The following FNBP1L variants were observed in gnomAD, a reference collection of about 807,000 sequenced individuals.
FNBP1L encodes formin binding protein 1 like, also known as formin-binding protein 1-like.
FNBP1L carries 36 observed loss-of-function variants against 91.2 expected under a neutral mutation model. The observed-to-expected ratio is 0.39, with a 90% confidence interval of 0.30 to 0.52. The LOEUF is 0.52. FNBP1L is among the 20% of genes least tolerant of loss of function. The probability of loss-of-function intolerance (pLI) is 0.66; values close to 1 mark genes in which losing one functional copy is unlikely to be tolerated. For missense variants in FNBP1L, 571 were observed against 732.1 expected (o/e 0.78, Z 2.54); for synonymous variants, 242 against 237.0 (o/e 1.02, Z -0.19).
intron 1 of FNBP1L, among the ~76,000 whole-genome samples, chr1:93,477,999 A>G (rs777516113): frequency 6.6e-6 from 1 of 152,236 alleles, no homozygotes. Context: ...TGTCTGGAAC[A>G]CACACAGATT....
rs558736943 is a variant in FNBP1L, at chr1:93,511,638, C to G, written c.141-10444C>G. 5.8e-4 allele frequency among the ~76,000 whole-genome samples: 89 copies of G among 152,250 alleles called. 1 individual carries two copies. The highest frequency in any genetic ancestry group is 2.0e-3 in the African/African-American group (84 of 41,532). On this transcript the variant is annotated intron_variant, in intron 2 of 16. Transcript: ENST00000271234. ...TTTAAATGTAAATGGACTAAATGCT[C>G]CAATTAAAAGACACAGACTGGCAAA...
intron 2 of FNBP1L, among the ~76,000 whole-genome samples, chr1:93,517,249 T>C (rs1570835057): frequency 6.6e-6 from 1 of 152,154 alleles, no homozygotes; most frequent in East Asian, 1.9e-4. Flanking sequence ...TTTCAGCATG[T>C]TGGTCAGGCT....
chr1:93,501,888 CT>C (rs1287624715), intron 2 of FNBP1L, among the ~76,000 whole-genome samples: 3 of 151,938 alleles, frequency 2.0e-5, no homozygotes, highest in Non-Finnish European at 2.9e-5. Flanking sequence ...CATTTCTAAA[CT>C]TTCCTGCAGA....
intron 8 of FNBP1L, among the ~76,000 whole-genome samples, chr1:93,534,407 C>A (rs554260275): frequency 2.0e-5 from 3 of 152,018 alleles, no homozygotes; most frequent in Non-Finnish European, 4.4e-5. Flanking sequence ...TCAGTTAGGT[C>A]TTTTTCAGCT....
chr1:93,548,778 A>G (rs978794890), intron 14 of FNBP1L, among the ~76,000 whole-genome samples: 4 of 152,146 alleles, frequency 2.6e-5, no homozygotes, highest in African/African-American at 4.8e-5. Context: ...GTCCCAAGCA[A>G]AAGTTTCTGT....
intron 1 of FNBP1L, among the ~76,000 whole-genome samples, chr1:93,480,930 C>T (rs1037840272): frequency 5.9e-5 from 9 of 152,032 alleles, no homozygotes; most frequent in Admixed American, 2.0e-4. Flanking sequence ...TATAAAGTTG[C>T]CAGATTGTAT....
intron 1 of FNBP1L, among the ~76,000 whole-genome samples, chr1:93,484,273 A>G (rs1427086495): frequency 1.3e-5 from 2 of 152,184 alleles, no homozygotes; most frequent in Non-Finnish European, 2.9e-5. Flanking sequence ...ATCTGTAAAT[A>G]GAGACTGATC....
chr1:93,525,354 A>G (rs1317056459), intron 5 of FNBP1L, among the ~76,000 whole-genome samples: 1 of 152,018 alleles, frequency 6.6e-6, no homozygotes, highest in Non-Finnish European at 1.5e-5. Flanking sequence ...CTTTGATTAC[A>G]TTTCTACTAT....
intron 5 of FNBP1L, 61 bp downstream of exon 5, chr1:93,524,384 CT>C (rs1671429626): frequency 3.4e-6 from 4 of 1,188,372 alleles, no homozygotes; most frequent in Admixed American, 3.2e-5. Context: ...GCCCTAAATA[CT>C]TTTATGCTTC....
intron 1 of FNBP1L, among the ~76,000 whole-genome samples, chr1:93,486,272 A>G (rs1480726131): frequency 1.3e-5 from 2 of 152,100 alleles, no homozygotes; most frequent in African/African-American, 4.8e-5. Context: ...ATGTACCACT[A>G]TTTTGGTGTA....
chr1:93,498,128 G>A (rs1223737205), intron 1 of FNBP1L, among the ~76,000 whole-genome samples: 1 of 151,982 alleles, frequency 6.6e-6, no homozygotes, highest in Non-Finnish European at 1.5e-5. Context: ...GATGGGGTTT[G>A]GAATTTAAAA....
At chr1:93,545,394 A>G (rs1672187970) in intron 12 of FNBP1L, among the ~76,000 whole-genome samples, 1 of 152,168 alleles carries the variant, frequency 6.6e-6, no homozygotes, top group South Asian at 2.1e-4. Flanking sequence ...AAATTTTCCC[A>G]GATATCTCCA....
chr1:93,476,434 A>G (rs897713017), intron 1 of FNBP1L, among the ~76,000 whole-genome samples: 1 of 152,230 alleles, frequency 6.6e-6, no homozygotes, highest in East Asian at 1.9e-4. Flanking sequence ...GGTGGCAGTT[A>G]TTATTATTCA....
intron 5 of FNBP1L, among the ~76,000 whole-genome samples, chr1:93,525,405 T>C (rs1221581071): frequency 1.3e-5 from 2 of 152,148 alleles, no homozygotes; most frequent in Non-Finnish European, 2.9e-5. Context: ...CCAGTGCTGA[T>C]TGAGAGTTCT....
intron 1 of FNBP1L, among the ~76,000 whole-genome samples, chr1:93,475,414 C>G (rs1669457693): frequency 6.6e-6 from 1 of 152,052 alleles, no homozygotes; most frequent in Admixed American, 6.6e-5. Context: ...TGGTGCGTGC[C>G]TGTGGTCCCA....
At chr1:93,515,097 G>T (rs1395779469) in intron 2 of FNBP1L, among the ~76,000 whole-genome samples, 1 of 152,190 alleles carries the variant, frequency 6.6e-6, no homozygotes, top group Non-Finnish European at 1.5e-5. Flanking sequence ...ATCAAAAAGT[G>T]GGTGAAGGAC....
chr1:93,483,670 A>G (rs568555915), intron 1 of FNBP1L, among the ~76,000 whole-genome samples: 3 of 152,202 alleles, frequency 2.0e-5, no homozygotes, highest in Non-Finnish European at 4.4e-5. Flanking sequence ...ATAAAACTAA[A>G]TTATCTCAAT....
At chr1:93,478,692 T>G (rs1182243210) in intron 1 of FNBP1L, among the ~76,000 whole-genome samples, 6 of 152,162 alleles carry the variant, frequency 3.9e-5, no homozygotes, top group African/African-American at 9.7e-5. Context: ...GGAGATTGTT[T>G]TAAGTGAGTT....
intron 1 of FNBP1L, among the ~76,000 whole-genome samples, chr1:93,456,602 C>CAAAAAAAAAAAAAAA (rs60167572): frequency 1.9e-5 from 1 of 53,374 alleles, no homozygotes; most frequent in Non-Finnish European, 4.3e-5. Flanking sequence ...CCTTCTCTAC[C>CAAAAAAAAAAAAAAA]AAAAAAAAAA....
Sources: allele counts gnomAD v4.1 joint callset (sites outside exome capture counted in the v4.1 genomes callset), GRCh38; gene constraint gnomAD v4.1.1; transcripts MANE v1.5; gene names NCBI Gene and HGNC (gene_info 2026-07-23, HGNC 2026-07-21).